NALF2: variants seen among roughly 807,000 people sequenced by gnomAD.
NALF2 encodes NALCN channel auxiliary factor 2, also known as bB57D9.1 (TED protein).
Under a neutral mutation model 24.8 loss-of-function variants are expected in NALF2, and 1 was observed. The observed-to-expected ratio is 0.04, with a 90% CI of 0.01 to 0.19. NALF2 has a LOEUF of 0.19. Ranked by LOEUF, NALF2 falls within the 10% of genes least tolerant of loss-of-function variation. NALF2 has a pLI of 1.00. For synonymous variants in NALF2, 254 were observed against 189.8 expected (o/e 1.34, Z -2.78); for missense variants, 458 against 409.6 (o/e 1.12, Z -1.02).
At chrX:69,521,768 A>G (rs960158248) in intron 1 of NALF2, among the ~76,000 whole-genome samples, 2 of 112,040 alleles carry the variant, frequency 1.8e-5, no homozygotes, top group Non-Finnish European at 3.8e-5. Context: ...AGCCATCATA[A>G]GTTGGGGACT....
At chrX:69,518,321 C>T (rs1763418556) in intron 1 of NALF2, among the ~76,000 whole-genome samples, 1 of 111,273 alleles carries the variant, frequency 9.0e-6, no homozygotes, top group Non-Finnish European at 1.9e-5. Context: ...TTTCGAGGTT[C>T]GTGGCTGCAA....
intron 2 of NALF2, 86 bp from the exon 3 acceptor site, chrX:69,529,484 GC>G: frequency 8.9e-7 from 1 of 1,123,035 alleles, no homozygotes; most frequent in South Asian, 2.2e-5. Flanking sequence ...TACTTGAGCA[GC>G]CCCAGCTCTG....
At chrX:69,507,382 TCTC>T (rs920935743) in intron 1 of NALF2, among the ~76,000 whole-genome samples, 4 of 111,100 alleles carry the variant, frequency 3.6e-5, no homozygotes, top group Non-Finnish European at 7.6e-5. Flanking sequence ...ACTTTCTCCT[TCTC>T]CTTTTTCCTG....
chrX:69,518,619 T>C (rs1042440368), intron 1 of NALF2, among the ~76,000 whole-genome samples: 1 of 112,003 alleles, frequency 8.9e-6, no homozygotes, highest in Non-Finnish European at 1.9e-5. Context: ...TTCACACATA[T>C]ACATATATAC....
At chrX:69,517,357 G>C (rs1001891466) in intron 1 of NALF2, among the ~76,000 whole-genome samples, 4 of 111,270 alleles carry the variant, frequency 3.6e-5, no homozygotes, top group Non-Finnish European at 7.5e-5. Context: ...ATTATTATTG[G>C]CTGTGGACCT....
chrX:69,522,123 G>C (rs935028567), intron 1 of NALF2, among the ~76,000 whole-genome samples: 1 of 111,636 alleles, frequency 9.0e-6, no homozygotes, highest in African/African-American at 3.3e-5. Context: ...TGAAGATATG[G>C]GCTGCCCTAG....
intron 1 of NALF2, among the ~76,000 whole-genome samples, chrX:69,507,910 G>A (rs753078311): frequency 6.3e-5 from 7 of 111,136 alleles, no homozygotes; most frequent in Non-Finnish European, 1.3e-4. Context: ...GGTTTTCTCC[G>A]TGTTGTAGTT....
At chrX:69,520,752 T>C (rs1930722180) in intron 1 of NALF2, among the ~76,000 whole-genome samples, 1 of 112,179 alleles carries the variant, frequency 8.9e-6, no homozygotes, top group African/African-American at 3.2e-5. Context: ...AGCTTGGTCA[T>C]CATCCTGGAT....
At chrX:69,517,204 A>G (rs1359443466) in intron 1 of NALF2, among the ~76,000 whole-genome samples, 6 of 111,948 alleles carry the variant, frequency 5.4e-5, no homozygotes, top group Non-Finnish European at 1.1e-4. Context: ...TTTAATCTCT[A>G]TTGGCATCTC....
In NALF2 at chrX:69,529,599, G is replaced by C. The variant is rs763104216; in HGVS notation, c.1062G>C (p.Leu354=). The change falls in exon 3 of 3, where the codon CTG becomes CTC. Residue 354 remains leucine (L), a synonymous_variant. Transcript: ENST00000252338. ...TGCTGGATACTTCACCAAAGCGTCT[G>C]GAAACCAAGTGCTGTGACGTGCAGT... ...TGLLDTSPKR[L]ETKCCDVQWV... is the part of the protein sequence containing the mutation. The C allele has an allele frequency of 8.3e-7, 1 of 1,210,406 alleles. No individual in the cohort carries two copies. Among genetic ancestry groups the C allele is most frequent in the African/African-American group, 1.7e-5 (1 of 57,690 alleles).
In NALF2 at chrX:69,529,647, G is replaced by T. The variant is rs777335104; in HGVS notation, c.1110G>T (p.Lys370Asn). 3 of 1,208,975 alleles carry T rather than the reference G, an allele frequency of 2.5e-6. No individual in the cohort carries two copies. The highest frequency in any genetic ancestry group is 4.4e-5 in the Admixed American group (2 of 45,728). ...DVQWVSCEAK[K>N]KKFKESEAPK... is the part of the protein sequence containing the mutation. ...AGTGGGTCTCCTGTGAGGCGAAGAA[G>T]AAGAAGTTCAAGGAGTCTGAGGCCC... The change falls in exon 3 of 3, where the codon AAG (lysine) becomes AAT (asparagine). Residue 370 changes from lysine (K) to asparagine (N), a missense_variant. Transcript: ENST00000252338.
chrX:69,510,619 C>T (rs188718133), intron 1 of NALF2, among the ~76,000 whole-genome samples: 1 of 111,855 alleles, frequency 8.9e-6, no homozygotes, highest in Non-Finnish European at 1.9e-5. Flanking sequence ...ACCCTGGTCC[C>T]TGTTTGGGGG....
intron 1 of NALF2, among the ~76,000 whole-genome samples, chrX:69,507,360 G>T (rs962475806): frequency 2.7e-5 from 3 of 111,386 alleles, no homozygotes; most frequent in African/African-American, 9.8e-5. Context: ...GTAGTTCCTC[G>T]CTCCTGACTT....
In NALF2 at chrX:69,530,584, G is replaced by A. The variant is rs1177580051; in HGVS notation, c.*628G>A. ...CACCACCCTAGGCAATGAGGGGCAG[G>A]AAAGGGGTACAGAATGAATGGTGAA... is the stretch of plus-strand genomic sequence containing the variant. On this transcript the variant is annotated 3_prime_UTR_variant, in exon 3 of 3. Coordinates refer to ENST00000252338, the MANE Select transcript of NALF2 (RefSeq NM_015686.3). 1 of 113,013 alleles carries A rather than the reference G, an allele frequency of 8.8e-6. No individual in the cohort carries two copies. The highest frequency in any genetic ancestry group is 3.2e-5 in the African/African-American group (1 of 30,895). The allele number at this position is 113,013 out of a possible 1,213,427, so 9.3% of individuals were successfully genotyped here.
intron 1 of NALF2, among the ~76,000 whole-genome samples, chrX:69,525,778 C>A (rs1363990965): frequency 2.8e-5 from 3 of 108,419 alleles, no homozygotes; most frequent in African/African-American, 1.0e-4. Context: ...TTCTCCCCAA[C>A]CCCGTTGTTT....
chrX:69,522,808 C>G (rs143412468), intron 1 of NALF2, among the ~76,000 whole-genome samples: 2,474 of 112,008 alleles, frequency 0.022, 96 homozygotes, highest in East Asian at 0.21. Context: ...GGGGGTTCCT[C>G]ACACACTTCT....
At chrX:69,520,209 A>G (rs940886768) in intron 1 of NALF2, among the ~76,000 whole-genome samples, 1 of 111,930 alleles carries the variant, frequency 8.9e-6, no homozygotes, top group African/African-American at 3.3e-5. Flanking sequence ...CAACCCCCAA[A>G]TATCTGAGGT....
At position 69,529,011 on chromosome X, in the gene NALF2, C is replaced by T. The variant is rs752883767; in HGVS notation, c.880C>T (p.Leu294=). 14 of 1,207,650 alleles carry T rather than the reference C, an allele frequency of 1.2e-5. No homozygotes were observed. The highest frequency in any genetic ancestry group is 1.6e-5 in the Non-Finnish European group (14 of 894,040). Residue 294 remains leucine (L), a synonymous_variant, in exon 2 of 3, where the codon CTG becomes TTG. Coordinates refer to ENST00000252338, the MANE Select transcript of NALF2 (RefSeq NM_015686.3). The part of the protein sequence containing the change: ...KGCKAVYKAW[L]CSEYFSVTQQ... ...CCCACAGGCTGTCTACAAGGCCTGG[C>T]TGTGCTCAGAATACTTCAGCGTGAC...
chrX:69,518,012 G>A (rs1260511423), intron 1 of NALF2, among the ~76,000 whole-genome samples: 4 of 112,456 alleles, frequency 3.6e-5, no homozygotes, highest in African/African-American at 9.7e-5. Flanking sequence ...TGCAGCTGAA[G>A]GGAACCTGTG....
Sources: allele counts gnomAD v4.1 joint callset (sites outside exome capture counted in the v4.1 genomes callset), GRCh38; gene constraint gnomAD v4.1.1; transcripts MANE v1.5; gene names NCBI Gene and HGNC (gene_info 2026-07-23, HGNC 2026-07-21).